LYPLAL1: variants seen among roughly 807,000 people sequenced by gnomAD.
The protein encoded by LYPLAL1 is lysophospholipase like 1, also known as lysophospholipase-like protein 1.
A neutral mutation model predicts 19.7 loss-of-function variants in LYPLAL1; 23 were observed. The observed-to-expected ratio is 1.17, with a 90% CI of 0.84 to 1.65. The LOEUF is 1.65. LYPLAL1 is among the 40% of genes most tolerant of loss of function. LYPLAL1 has a pLI of 0.00. For missense variants in LYPLAL1, 355 were observed against 279.4 expected, an observed-to-expected ratio of 1.27 and a Z score of -1.93; for synonymous variants, 119 against 96.3, an observed-to-expected ratio of 1.24 and a Z score of -1.38.
intron 3 of LYPLAL1, 178 bp downstream of exon 3, chr1:219,193,429 T>C: frequency 2.7e-6 from 1 of 373,996 alleles, no homozygotes; most frequent in Non-Finnish European, 4.7e-6. Flanking sequence ...CAGCAGCGCA[T>C]GAAACTTTAA....
chr1:219,298,474 G>T, the LYPLAL1 span, among the ~76,000 whole-genome samples: 1 of 152,140 alleles, frequency 6.6e-6, no homozygotes, highest in Non-Finnish European at 1.5e-5. Context: ...AGCCACTAAG[G>T]GAATGAGAAT....
the LYPLAL1 span, among the ~76,000 whole-genome samples, chr1:219,243,874 G>T: frequency 6.8e-6 from 1 of 147,072 alleles, no homozygotes; most frequent in Non-Finnish European, 1.5e-5. Context: ...AGCCTAGATC[G>T]CACCACTGCA....
the LYPLAL1 span, among the ~76,000 whole-genome samples, chr1:219,339,181 T>C: frequency 2.0e-5 from 3 of 151,854 alleles, no homozygotes; most frequent in Admixed American, 6.6e-5. Flanking sequence ...GCGTAAGTCA[T>C]AGAGAGACAT....
chr1:219,270,163 C>T, the LYPLAL1 span, among the ~76,000 whole-genome samples: 3 of 152,160 alleles, frequency 2.0e-5, no homozygotes, highest in Non-Finnish European at 4.4e-5. Flanking sequence ...TCAAAGATGC[C>T]AAGTGGTGTT....
chr1:219,297,792 A>G, the LYPLAL1 span, among the ~76,000 whole-genome samples: 2 of 152,200 alleles, frequency 1.3e-5, no homozygotes, highest in Non-Finnish European at 1.5e-5. Context: ...GGTAGAAGGA[A>G]CTAACATGTA....
the LYPLAL1 span, among the ~76,000 whole-genome samples, chr1:219,430,234 A>G: frequency 6.7e-6 from 1 of 150,086 alleles, no homozygotes; most frequent in East Asian, 2.0e-4. Context: ...TGTCAAGGCT[A>G]CAGAGAGTTG....
At chr1:219,443,754 A>G in the LYPLAL1 span, among the ~76,000 whole-genome samples, 1 of 152,258 alleles carries the variant, frequency 6.6e-6, no homozygotes, top group African/African-American at 2.4e-5. Flanking sequence ...TAACTTTGAA[A>G]GGAAGGTGAG....
chr1:219,419,586 C>CAG, the LYPLAL1 span, among the ~76,000 whole-genome samples: 133 of 120,536 alleles, frequency 1.1e-3, no homozygotes, highest in Middle Eastern at 7.5e-3. Flanking sequence ...CACACACACA[C>CAG]ACACACACAG....
chr1:219,216,782 C>T (rs199709326), downstream of LYPLAL1, among the ~76,000 whole-genome samples: 1 of 152,188 alleles, frequency 6.6e-6, no homozygotes, highest in African/African-American at 2.4e-5. Context: ...ATCCTCATGG[C>T]CCCAGCTAGA....
the LYPLAL1 span, among the ~76,000 whole-genome samples, chr1:219,396,673 C>G: frequency 6.6e-6 from 1 of 151,972 alleles, no homozygotes; most frequent in Admixed American, 6.6e-5. Flanking sequence ...AGGTATTTTA[C>G]TTAAGTATGT....
chr1:219,403,426 C>A, the LYPLAL1 span, among the ~76,000 whole-genome samples: 132,388 of 152,118 alleles, frequency 0.87, 57,795 homozygotes, highest in East Asian at 0.97. Context: ...GAATTCTGAA[C>A]GCTGAGTATA....
At chr1:219,184,707 C>G (rs1050363037) in intron 2 of LYPLAL1, among the ~76,000 whole-genome samples, 2 of 151,844 alleles carry the variant, frequency 1.3e-5, no homozygotes, top group Non-Finnish European at 2.9e-5. Context: ...TGGTTTTTAT[C>G]TTTCATTTTG....
chr1:219,301,360 T>A, the LYPLAL1 span, among the ~76,000 whole-genome samples: 26 of 152,242 alleles, frequency 1.7e-4, no homozygotes, highest in African/African-American at 6.0e-4. Flanking sequence ...CATATAAACA[T>A]GTGAGGGAGC....
chr1:219,178,605 A>T (rs1656008673), intron 1 of LYPLAL1, among the ~76,000 whole-genome samples: 1 of 152,108 alleles, frequency 6.6e-6, no homozygotes, highest in Non-Finnish European at 1.5e-5. Context: ...GGAGTAGATA[A>T]TTCTTCTTTT....
the LYPLAL1 span, among the ~76,000 whole-genome samples, chr1:219,399,335 C>T: frequency 6.6e-6 from 1 of 152,182 alleles, no homozygotes; most frequent in African/African-American, 2.4e-5. Flanking sequence ...CCTAGTTTCA[C>T]TCCCATGGCA....
At chr1:219,178,025 C>T (rs7532585) in intron 1 of LYPLAL1, among the ~76,000 whole-genome samples, 94,028 of 152,070 alleles carry the variant, frequency 0.62, 29,586 homozygotes, top group East Asian at 0.92. Flanking sequence ...TTCTGCCCTG[C>T]ACTTCTCACC....
chr1:219,191,293 C>T (rs1050581484), intron 2 of LYPLAL1, among the ~76,000 whole-genome samples: 9 of 151,522 alleles, frequency 5.9e-5, no homozygotes, highest in African/African-American at 4.8e-5. Flanking sequence ...GATAAAAACA[C>T]GTATGCATAT....
the LYPLAL1 span, among the ~76,000 whole-genome samples, chr1:219,382,453 G>A: frequency 9.9e-5 from 15 of 152,210 alleles, no homozygotes; most frequent in East Asian, 5.8e-4. Context: ...TCCACCTCCC[G>A]GGGTCACGTC....
the LYPLAL1 span, among the ~76,000 whole-genome samples, chr1:219,394,295 G>A: frequency 6.6e-6 from 1 of 152,018 alleles, no homozygotes; most frequent in Non-Finnish European, 1.5e-5. Context: ...TTACATAGTG[G>A]CATCACAAAA....
Sources: gnomAD v4.1 joint callset for allele counts (sites outside exome capture counted in the v4.1 genomes callset) on GRCh38, gnomAD v4.1.1 for gene constraint, MANE v1.5 for transcripts, NCBI Gene and HGNC (gene_info 2026-07-23, HGNC 2026-07-21) for gene names.